MUSK: variants seen among roughly 807,000 people sequenced by gnomAD.
MUSK encodes the protein muscle associated receptor tyrosine kinase, also known as muscle, skeletal receptor tyrosine-protein kinase.
In MUSK, 55 loss-of-function variants were observed where a neutral mutation model predicts 88.7. The observed-to-expected ratio is 0.62, with a 90% CI of 0.50 to 0.78. The LOEUF is 0.78. Ranked by LOEUF, MUSK falls within the 30% of genes least tolerant of loss-of-function variation. The pLI is 0.00. For missense variants in MUSK, 1,015 were observed against 1,074.3 expected, an observed-to-expected ratio of 0.94 and a Z score of 0.77; for synonymous variants, 387 against 391.9, an observed-to-expected ratio of 0.99 and a Z score of 0.15.
intron 5 of MUSK, among the ~76,000 whole-genome samples, chr9:110,707,477 T>C (rs1178955847): frequency 6.6e-6 from 1 of 152,238 alleles, no homozygotes; most frequent in Non-Finnish European, 1.5e-5. Flanking sequence ...CTGCTTTGTA[T>C]ATAGAAACTG....
intron 5 of MUSK, among the ~76,000 whole-genome samples, chr9:110,710,781 A>G (rs2076658529): frequency 6.6e-6 from 1 of 152,168 alleles, no homozygotes; most frequent in Admixed American, 6.6e-5. Flanking sequence ...CTTCGTGTGT[A>G]TCCTGAGCTT....
Position 110,740,010 on chromosome 9 carries a change from T to G in MUSK, c.753+5635T>G, listed in dbSNP as rs144320865. On this transcript the variant is annotated intron_variant, in intron 6 of 14. Coordinates refer to ENST00000374448, the MANE Select transcript of MUSK (RefSeq NM_005592.4). ...AAGAAGTGTCCCAAATCGGGACACT[T>G]TAATATCCACATCATCCCAAATTGT... is the stretch of plus-strand genomic sequence containing the variant. Among the ~76,000 whole-genome samples the G allele has an allele frequency of 8.6e-3, 1,312 of 152,208 alleles. 3 individuals are homozygous for G. The highest frequency in any genetic ancestry group is 0.012 in the African/African-American group (495 of 41,536).
At chr9:110,765,559 C>A (rs1349510845) in intron 8 of MUSK, among the ~76,000 whole-genome samples, 4 of 146,486 alleles carry the variant, frequency 2.7e-5, no homozygotes, top group African/African-American at 9.9e-5. Flanking sequence ...AGAATAAAGA[C>A]CCCAGATACA....
chr9:110,736,013 A>T (rs564341431), intron 6 of MUSK, among the ~76,000 whole-genome samples: 112 of 152,240 alleles, frequency 7.4e-4, no homozygotes, highest in African/African-American at 2.7e-3. Flanking sequence ...TCGACTTGAG[A>T]TTTGGTGGGG....
In MUSK at chr9:110,775,860, A is replaced by G. The variant is rs550568354; in HGVS notation, c.1257A>G (p.Arg419=). Residue 419 remains arginine (R), a synonymous_variant, in exon 10 of 15, where the codon AGA becomes AGG. Transcript: ENST00000374448. The stretch of plus-strand genomic sequence containing the variant: ...TGGTAATGGAAGAGAAGACCCACAG[A>G]GGACTCTACAGATCCGAGATGCATT... The part of the protein sequence containing the change: ...EWLVMEEKTH[R]GLYRSEMHLL... 1.1e-5 allele frequency: 17 copies of G among 1,613,960 alleles called. No homozygotes were observed. The East Asian group carries it at 1.1e-4, about 11-fold the overall frequency.
At chr9:110,690,525 T>A (rs1243432807) in intron 3 of MUSK, among the ~76,000 whole-genome samples, 1 of 97,120 alleles carries the variant, frequency 1.0e-5, no homozygotes, top group Non-Finnish European at 1.8e-5. Context: ...TATATTTAAA[T>A]ATAAGTATAT....
intron 13 of MUSK, among the ~76,000 whole-genome samples, 162 bp downstream of exon 13, chr9:110,785,880 CTGTG>C (rs1368936903): frequency 6.8e-6 from 1 of 146,744 alleles, no homozygotes; most frequent in South Asian, 2.1e-4. Context: ...TATATGTACA[CTGTG>C]TGTGTATATA....
At chr9:110,785,462 A>C (rs1160740969) in intron 12 of MUSK, 65 bp from the exon 13 acceptor site, 2 of 1,306,288 alleles carry the variant, frequency 1.5e-6, no homozygotes, top group African/African-American at 3.0e-5. Context: ...TTAGAATCTA[A>C]GTCTAAGTAC....
At chr9:110,735,999 C>G (rs1432652860) in intron 6 of MUSK, among the ~76,000 whole-genome samples, 3 of 152,104 alleles carry the variant, frequency 2.0e-5, no homozygotes, top group African/African-American at 7.2e-5. Context: ...CTGGGAATTA[C>G]AATTCGACTT....
Position 110,747,684 on chromosome 9 carries a change from T to C in MUSK, c.797T>C (p.Ile266Thr), listed in dbSNP as rs184488481. The C allele has an allele frequency of 2.2e-5, 36 of 1,613,818 alleles. No individual in the cohort carries two copies. The highest frequency in any genetic ancestry group is 3.0e-5 in the Non-Finnish European group (35 of 1,179,764). The change falls in exon 7 of 15, where the codon ATT becomes ACT. Residue 266 changes from isoleucine (I) to threonine (T), a missense_variant. Physicochemically the swap from Ile to Thr is moderately conservative, Grantham distance 89 (BLOSUM62 -1). Coordinates refer to ENST00000374448, the MANE Select transcript of MUSK (RefSeq NM_005592.4). ...CAAGAGAGTGTGAAAGACCGAGTGATTGACTCAAGACTGCAGCTGTTTATC... is the reference window on the plus strand; with the variant it reads ...CAAGAGAGTGTGAAAGACCGAGTGACTGACTCAAGACTGCAGCTGTTTATC... ...SIQESVKDRV[I>T]DSRLQLFITK...
chr9:110,697,370 C>T lies in MUSK; in HGVS notation c.532C>T (p.His178Tyr), dbSNP rs1320957563. 1 of 1,612,804 alleles carries T rather than the reference C, an allele frequency of 6.2e-7. No homozygotes were observed. The highest frequency in any genetic ancestry group is 1.1e-5 in the South Asian group (1 of 90,872). The change falls in exon 5 of 15, where the codon CAT becomes TAT. Residue 178 changes from histidine (H) to tyrosine (Y), a missense_variant. His to Tyr is a moderately conservative substitution (Grantham distance 83). Transcript: ENST00000374448. ...AVLESGSLRI[H>Y]NVQKEDAGQY... ...TCTTGAATCTGGGAGCTTGAGGATT[C>T]ATAACGTACAAAAGGAAGATGCAGG... is the stretch of plus-strand genomic sequence containing the variant.
chr9:110,780,968 C>T (rs2077744034), intron 11 of MUSK, among the ~76,000 whole-genome samples: 1 of 152,134 alleles, frequency 6.6e-6, no homozygotes, highest in African/African-American at 2.4e-5. Flanking sequence ...GCTATTCCAC[C>T]TCGTAAAACA....
At position 110,785,558 on chromosome 9, in the gene MUSK, C is replaced by T. The variant is rs1425068553; in HGVS notation, c.1618C>T (p.Pro540Ser). 6.2e-7 allele frequency: 1 copy of T among 1,612,114 alleles called. No individual in the cohort carries two copies. The highest frequency in any genetic ancestry group is 2.2e-5 in the East Asian group (1 of 44,834). ...AGCAGCAGTAACCCTCACCACACTG[C>T]CTTCTGAGCTCTTACTAGATAGACT... ...ESAAVTLTTL[P>S]SELLLDRLHP... Residue 540 changes from proline (P) to serine (S), a missense_variant, in exon 13 of 15, where the codon CCT (proline) becomes TCT (serine). Pro to Ser is a moderately conservative substitution (Grantham distance 74). Coordinates refer to ENST00000374448, the MANE Select transcript of MUSK (RefSeq NM_005592.4).
At chr9:110,695,294 C>T in intron 3 of MUSK, 109 bp from the exon 4 acceptor site, 1 of 760,806 alleles carries the variant, frequency 1.3e-6, no homozygotes, top group Non-Finnish European at 2.0e-6. Flanking sequence ...ATGTAACATG[C>T]CTCAAATGAT....
At chr9:110,689,270 G>GTTATATTTATATATAAATATATAGCT (rs1331724469) in intron 3 of MUSK, among the ~76,000 whole-genome samples, 7 of 108,994 alleles carry the variant, frequency 6.4e-5, no homozygotes, top group Non-Finnish European at 1.2e-4. Context: ...ATATTGTATA[G>GTTATATTTATATATAAATATATAGCT]TTATATTTAT....
At chr9:110,779,380 T>A (rs2132001220) in intron 11 of MUSK, among the ~76,000 whole-genome samples, 1 of 152,290 alleles carries the variant, frequency 6.6e-6, no homozygotes. Context: ...TGATCTTCAC[T>A]CTATTTCTTT....
chr9:110,762,218 T>G lies in MUSK; in HGVS notation c.920+10T>G. 7.0e-7 allele frequency: 1 copy of G among 1,426,822 alleles called. No individual in the cohort carries two copies. The highest frequency in any genetic ancestry group is 9.2e-7 in the Non-Finnish European group (1 of 1,086,008). 88.4% of individuals were successfully genotyped at this position (1,426,822 alleles called of 1,614,324 possible). A position where few individuals can be genotyped will look rare whatever the true frequency, so the allele number is the denominator to read the frequency against. ...TGTTAATAGAATGGAGGTAAGAAAC[T>G]GTTATTGTAACAATTGTTTCCAATG... On this transcript the variant is annotated intron_variant, in intron 8 of 14. Coordinates refer to ENST00000374448, the MANE Select transcript of MUSK (RefSeq NM_005592.4).
chr9:110,744,748 G>C (rs1011481872), intron 6 of MUSK, among the ~76,000 whole-genome samples: 2 of 152,114 alleles, frequency 1.3e-5, no homozygotes, highest in African/African-American at 4.8e-5. Flanking sequence ...CCCAGAGCAG[G>C]GAGCTGTGTC....
At chr9:110,737,590 T>G (rs2077045654) in intron 6 of MUSK, among the ~76,000 whole-genome samples, 1 of 152,122 alleles carries the variant, frequency 6.6e-6, no homozygotes, top group African/African-American at 2.4e-5. Flanking sequence ...TTTGTTAATA[T>G]TTTTCCAATC....
Sources: gnomAD v4.1 joint callset for allele counts (sites outside exome capture counted in the v4.1 genomes callset) on GRCh38, gnomAD v4.1.1 for gene constraint, MANE v1.5 for transcripts, NCBI Gene and HGNC (gene_info 2026-07-23, HGNC 2026-07-21) for gene names.